The following COLEC11 variants were observed in gnomAD, a reference collection of about 807,000 sequenced individuals.
COLEC11 encodes collectin-11.
In COLEC11, 20 loss-of-function variants were observed where a neutral mutation model predicts 27.3. The observed-to-expected ratio is 0.73, with a 90% confidence interval of 0.51 to 1.06. The LOEUF (loss-of-function observed/expected upper bound fraction) is 1.06, where lower values mean the gene tolerates loss of function less well. Among genes scored for constraint, COLEC11 ranks in the 50% least tolerant of loss-of-function variants. The probability of loss-of-function intolerance (pLI) is 0.00; values close to 1 mark genes in which losing one functional copy is unlikely to be tolerated. For missense variants in COLEC11, 310 were observed against 383.0 expected (o/e 0.81, Z 1.59); for synonymous variants, 163 against 154.7 (o/e 1.05, Z -0.40).
intron 4 of COLEC11, among the ~76,000 whole-genome samples, chr2:3,639,750 C>G (rs1197801542): frequency 7.2e-6 from 1 of 138,738 alleles, no homozygotes. Flanking sequence ...TGGGTCCAGG[C>G]CAGGATGGAG....
At chr2:3,598,288 C>T (rs994950366) in intron 1 of COLEC11, among the ~76,000 whole-genome samples, 4 of 152,194 alleles carry the variant, frequency 2.6e-5, no homozygotes, top group African/African-American at 9.7e-5. Context: ...CAGTAACCCA[C>T]GTCTGCAGAC....
In COLEC11 at chr2:3,602,604, G is replaced by A. The variant is rs960671403; in HGVS notation, c.-26-1711G>A. 6.6e-6 allele frequency among the ~76,000 whole-genome samples: 1 copy of A among 152,096 alleles called. No individual in the cohort carries two copies. Among genetic ancestry groups the A allele is most frequent in the Non-Finnish European group, 1.5e-5 (1 of 68,034 alleles). On this transcript the variant is annotated intron_variant, in intron 1 of 6. Coordinates refer to ENST00000349077, the MANE Select transcript of COLEC11 (RefSeq NM_024027.5). The surrounding 1 kb of genome is among the most constrained non-coding windows in gnomAD (Gnocchi z 6.2). ...ACCCTGGCTTGGTCTCCTTGCTTCC[G>A]TTGCTGTTCCCCTAAGTCCCGTCTC...
In COLEC11 at chr2:3,644,454, C is replaced by T. The variant is rs190839334; in HGVS notation, c.*336C>T. The T allele has an allele frequency of 4.9e-4, 261 of 527,618 alleles. No homozygotes were observed. The highest frequency in any genetic ancestry group is 4.6e-3 in the African/African-American group (241 of 52,830). The allele number at this position is 527,618 out of a possible 1,614,324, so 32.7% of individuals were successfully genotyped here. A position where few individuals can be genotyped will look rare whatever the true frequency, so the allele number is the denominator to read the frequency against. ...TCTTTAAGTAGTGCAGTAGTTAAGT[C>T]CAAATAGTGGCAATGGGGTCTTGAA... On this transcript the variant is annotated 3_prime_UTR_variant, in exon 7 of 7. Transcript: ENST00000349077.
At chr2:3,597,811 G>A (rs943334869) in intron 1 of COLEC11, among the ~76,000 whole-genome samples, 1 of 152,202 alleles carries the variant, frequency 6.6e-6, no homozygotes, top group African/African-American at 2.4e-5. Context: ...CCAAAATACT[G>A]CTGCTGAGGC....
At chr2:3,618,371 T>C (rs757786175) in intron 3 of COLEC11, among the ~76,000 whole-genome samples, 9 of 152,196 alleles carry the variant, frequency 5.9e-5, no homozygotes, top group Non-Finnish European at 8.8e-5. Context: ...TTTTTATGTA[T>C]GGTATAAGAC....
chr2:3,641,983 C>T (rs1665902150), intron 5 of COLEC11, among the ~76,000 whole-genome samples: 1 of 152,186 alleles, frequency 6.6e-6, no homozygotes, highest in African/African-American at 2.4e-5. Flanking sequence ...CCCGGCACCA[C>T]GGAGGCGATG....
At chr2:3,636,765 C>T (rs745471253) in intron 3 of COLEC11, among the ~76,000 whole-genome samples, 3 of 152,168 alleles carry the variant, frequency 2.0e-5, no homozygotes, top group Admixed American at 1.3e-4. Flanking sequence ...TGAGAAACTC[C>T]ACCCTCTGGC....
At chr2:3,608,820 G>T (rs933012796) in intron 2 of COLEC11, among the ~76,000 whole-genome samples, 3 of 152,240 alleles carry the variant, frequency 2.0e-5, no homozygotes, top group Admixed American at 1.3e-4. Context: ...CGCCGTGGAT[G>T]GGAGGCCTCT....
At chr2:3,603,795 G>A (rs1028890455) in intron 1 of COLEC11, 2 of 848,984 alleles carry the variant, frequency 2.4e-6, no homozygotes, top group East Asian at 2.7e-5. Flanking sequence ...ATCTCACCGA[G>A]GAAGGCCAGG....
intron 3 of COLEC11, among the ~76,000 whole-genome samples, chr2:3,631,905 C>T (rs1009457522): frequency 6.6e-6 from 1 of 152,206 alleles, no homozygotes; most frequent in African/African-American, 2.4e-5. Flanking sequence ...GAAATGCAGG[C>T]TTCCCGCAGT....
chr2:3,629,086 A>G (rs906995505), intron 3 of COLEC11, among the ~76,000 whole-genome samples: 1 of 152,190 alleles, frequency 6.6e-6, no homozygotes, highest in Non-Finnish European at 1.5e-5. Flanking sequence ...GGAGAGGGAA[A>G]AAGGCGTTAG....
intron 1 of COLEC11, chr2:3,603,767 G>A: frequency 1.7e-6 from 2 of 1,143,184 alleles, no homozygotes; most frequent in South Asian, 1.3e-5. Flanking sequence ...TAAGGCCGGG[G>A]CTCCTCTCTC....
At position 3,637,535 on chromosome 2, in the gene COLEC11, G is replaced by A. The variant is rs779422902; in HGVS notation, c.205G>A (p.Asp69Asn). The A allele has an allele frequency of 1.9e-6, 3 of 1,613,954 alleles. No individual in the cohort carries two copies. In the African/African-American group the frequency reaches 4.0e-5, roughly 22 times the overall value. ...TTTGCTCTTATTGTTTTCTACAGGA[G>A]ACATGGGGGACAAAGGACAGAAAGG... is the stretch of plus-strand genomic sequence containing the variant. ...GRVGPTGEKG[D>N]MGDKGQKGSV... The change falls in exon 4 of 7, where the codon GAC becomes AAC. Residue 69 changes from aspartate (D) to asparagine (N), a missense_variant and splice_region_variant. Asp to Asn is a conservative substitution (Grantham distance 23, BLOSUM62 1). Coordinates refer to ENST00000349077, the MANE Select transcript of COLEC11 (RefSeq NM_024027.5).
chr2:3,604,536 C>T, intron 2 of COLEC11, 66 bp downstream of exon 2: 1 of 1,552,054 alleles, frequency 6.4e-7, no homozygotes, highest in Non-Finnish European at 8.9e-7. Flanking sequence ...GACTCCCATG[C>T]AACTGCGCAG....
rs1020414849 is a variant in COLEC11, at chr2:3,623,950, A to G, written c.202+10568A>G. ...CAGTCACCTCCTCTAGTCTTTATGGACTTTTTTTGGGAGAGAGATTTCTTT... is the reference window on the plus strand; with the variant it reads ...CAGTCACCTCCTCTAGTCTTTATGGGCTTTTTTTGGGAGAGAGATTTCTTT... On this transcript the variant is annotated intron_variant, in intron 3 of 6. Coordinates refer to ENST00000349077, the MANE Select transcript of COLEC11 (RefSeq NM_024027.5). 5.3e-5 allele frequency among the ~76,000 whole-genome samples: 8 copies of G among 152,188 alleles called. No homozygotes were observed. In the East Asian group the frequency reaches 1.5e-3, roughly 29 times the overall value.
Position 3,597,865 on chromosome 2 carries a change from G to A in COLEC11, c.-27+2697G>A, listed in dbSNP as rs188157237. On this transcript the variant is annotated intron_variant, in intron 1 of 6. Coordinates refer to ENST00000349077, the MANE Select transcript of COLEC11 (RefSeq NM_024027.5). ...GGTTATGAGCCCAGTGGACCAGCAC[G>A]TCTGGCTACAAACCTTGTGGTGCCC... Among the ~76,000 whole-genome samples, 165 of 152,280 alleles carry A rather than the reference G, an allele frequency of 1.1e-3. 2 individuals carry two copies. Among genetic ancestry groups the A allele is most frequent in the Middle Eastern group, 6.8e-3 (2 of 294 alleles).
In COLEC11 at chr2:3,620,088, C is replaced by G. The variant is rs74745456; in HGVS notation, c.202+6706C>G. Among the ~76,000 whole-genome samples the G allele has an allele frequency of 6.7e-3, 1,024 of 152,152 alleles. 13 individuals carry two copies. The highest frequency in any genetic ancestry group is 0.024 in the African/African-American group (976 of 41,484). ...TAATGCTGGCTTTTAAAAATTAGTT[C>G]AGAAGTATTCTCTCCTCTTCAATTT... On this transcript the variant is annotated intron_variant, in intron 3 of 6. Transcript: ENST00000349077.
chr2:3,606,307 T>C, intron 2 of COLEC11: 2 of 1,404,512 alleles, frequency 1.4e-6, no homozygotes, highest in South Asian at 2.5e-5. Flanking sequence ...GGCGCCGCCT[T>C]TCCCAGGTGC....
chr2:3,643,919 A>G lies in COLEC11; in HGVS notation c.617A>G (p.Asn206Ser). The G allele has an allele frequency of 6.2e-7, 1 of 1,614,122 alleles. No individual in the cohort carries two copies. The highest frequency in any genetic ancestry group is 8.5e-7 in the Non-Finnish European group (1 of 1,180,050). The change falls in exon 7 of 7, where the codon AAC becomes AGC. Residue 206 changes from asparagine (N) to serine (S), a missense_variant. Transcript: ENST00000349077. The stretch of plus-strand genomic sequence containing the variant: ...CTGGCCCGTGTCTTCATCGGCATCA[A>G]CGACCTGGAGAAGGAGGGCGCCTTC... Reference protein sequence around the residue: ...AGLARVFIGINDLEKEGAFVY... With the variant: ...AGLARVFIGISDLEKEGAFVY...
Sources: gnomAD v4.1 joint callset for allele counts (sites outside exome capture counted in the v4.1 genomes callset) on GRCh38, gnomAD v4.1.1 for gene constraint, Gnocchi (gnomAD v3.1) non-coding constraint, MANE v1.5 for transcripts, NCBI Gene and HGNC (gene_info 2026-07-23, HGNC 2026-07-21) for gene names.